MTHFD1L: variants seen among roughly 807,000 people sequenced by gnomAD.
MTHFD1L encodes the protein methylenetetrahydrofolate dehydrogenase (NADP+ dependent) 1 like, also known as monofunctional C1-tetrahydrofolate synthase, mitochondrial.
Under a neutral mutation model 119.5 loss-of-function variants are expected in MTHFD1L, and 81 were observed. The ratio of observed to expected loss-of-function variants is 0.68; its 90% CI spans 0.57 to 0.82. The LOEUF is 0.82. MTHFD1L is among the 40% of genes least tolerant of loss of function. The pLI is 0.00. For missense variants in MTHFD1L, 1,125 were observed against 1,253.4 expected (o/e 0.90, Z 1.55); for synonymous variants, 430 against 475.2 (o/e 0.90, Z 1.24).
intron 26 of MTHFD1L, among the ~76,000 whole-genome samples, chr6:151,066,975 GT>G (rs1791366908): frequency 6.7e-6 from 1 of 148,732 alleles, no homozygotes; most frequent in African/African-American, 2.4e-5. Flanking sequence ...ATTAGTAAGT[GT>G]TAAAAATGTA....
chr6:150,901,594 C>T (rs1354426123), intron 7 of MTHFD1L, among the ~76,000 whole-genome samples: 1 of 152,190 alleles, frequency 6.6e-6, no homozygotes, highest in Admixed American at 6.5e-5. Context: ...CAGTGTGTCC[C>T]AGTTCATTGA....
intron 26 of MTHFD1L, 118 bp downstream of exon 26, chr6:151,037,235 A>G (rs567843286): frequency 6.7e-6 from 7 of 1,044,462 alleles, no homozygotes; most frequent in Non-Finnish European, 1.0e-5. Context: ...GGAGTAATTA[A>G]TAGTACAGTA....
At chr6:151,028,590 G>A (rs1187041208) in intron 24 of MTHFD1L, among the ~76,000 whole-genome samples, 1 of 152,152 alleles carries the variant, frequency 6.6e-6, no homozygotes, top group Admixed American at 6.5e-5. Flanking sequence ...ACTTGTAGGG[G>A]CCTGTAGAGC....
intron 24 of MTHFD1L, among the ~76,000 whole-genome samples, chr6:151,031,153 C>G (rs1785291678): frequency 6.6e-6 from 1 of 152,240 alleles, no homozygotes; most frequent in South Asian, 2.1e-4. Flanking sequence ...CAGGCAAGGA[C>G]AGGTCACTGC....
rs1794766132 is a variant in MTHFD1L, at chr6:150,950,894, C to T, written c.1726+1761C>T. Among the ~76,000 whole-genome samples, 3 of 152,206 alleles carry T rather than the reference C, an allele frequency of 2.0e-5. No individual in the cohort carries two copies. The South Asian group carries it at 6.2e-4, about 32-fold the overall frequency. On this transcript the variant is annotated intron_variant, in intron 16 of 27. Coordinates refer to ENST00000367321, the MANE Select transcript of MTHFD1L (RefSeq NM_015440.5). ...ATGTTGGCCAGGCTGGTCTGGAACT[C>T]CTGACCTCAAACGATCCGCCCACCT...
At chr6:150,955,276 T>C in intron 16 of MTHFD1L, among the ~76,000 whole-genome samples, 1 of 152,210 alleles carries the variant, frequency 6.6e-6, no homozygotes, top group Non-Finnish European at 1.5e-5. Flanking sequence ...CTATGCACCA[T>C]GTTTTCAACA....
chr6:151,058,494 A>G (rs1436728176), intron 26 of MTHFD1L, among the ~76,000 whole-genome samples: 4 of 152,226 alleles, frequency 2.6e-5, no homozygotes, highest in Non-Finnish European at 4.4e-5. Flanking sequence ...TTAATTCCAT[A>G]TACATTTGCA....
rs867331345 is a variant in MTHFD1L at position 150,923,548 on chromosome 6, T to C, written c.1082+1246T>C. Among the ~76,000 whole-genome samples, 956 of 119,770 alleles carry C rather than the reference T, an allele frequency of 8.0e-3. 14 individuals carry two copies. The highest frequency in any genetic ancestry group is 0.029 in the African/African-American group (882 of 30,552). The allele number at this position is 119,770 out of a possible 152,430, so 78.6% of individuals were successfully genotyped here. ...TTATTTATTTATTTATTTTTTCTTTTTTTTTTTTTTTTTTTTGAGACAGAG... is the reference window on the plus strand; with the variant it reads ...TTATTTATTTATTTATTTTTTCTTTCTTTTTTTTTTTTTTTTGAGACAGAG... On this transcript the variant is annotated intron_variant, in intron 10 of 27. Transcript: ENST00000367321.
At chr6:151,006,810 A>C (rs17080689) in intron 20 of MTHFD1L, among the ~76,000 whole-genome samples, 18,014 of 152,104 alleles carry the variant, frequency 0.12, 1,269 homozygotes, top group African/African-American at 0.18. Flanking sequence ...AGGGTAGTTT[A>C]ACACATAAAT....
chr6:150,885,392 C>A (rs1013641320), intron 5 of MTHFD1L, among the ~76,000 whole-genome samples: 1 of 152,122 alleles, frequency 6.6e-6, no homozygotes, highest in Non-Finnish European at 1.5e-5. Context: ...GTTGAGGTTT[C>A]GCCATGTTGG....
chr6:151,026,808 G>GTCCTTTCTA (rs1313399319), intron 24 of MTHFD1L, among the ~76,000 whole-genome samples: 2 of 111,042 alleles, frequency 1.8e-5, no homozygotes, highest in Non-Finnish European at 3.7e-5. Flanking sequence ...GATTTTTCCT[G>GTCCTTTCTA]TCCTTTCTAT....
At chr6:150,983,910 G>A (rs750104066) in intron 20 of MTHFD1L, among the ~76,000 whole-genome samples, 1 of 152,056 alleles carries the variant, frequency 6.6e-6, no homozygotes, top group East Asian at 1.9e-4. Context: ...AGCTGAGACT[G>A]CAGGCACAAT....
chr6:151,093,139 G>A (rs970678138), intron 27 of MTHFD1L, among the ~76,000 whole-genome samples: 5 of 152,076 alleles, frequency 3.3e-5, no homozygotes, highest in African/African-American at 4.8e-5. Context: ...CAGGCCATAC[G>A]CCACCTCGAG....
intron 26 of MTHFD1L, among the ~76,000 whole-genome samples, chr6:151,066,522 T>C (rs892578797): frequency 2.0e-5 from 3 of 151,056 alleles, no homozygotes; most frequent in African/African-American, 4.9e-5. Context: ...TCCCAGCACT[T>C]TGGGAGGCCG....
rs71014527 is a variant in MTHFD1L, at chr6:150,865,721, C to CCCG, written c.-78_-76dup. The CCCG allele has an allele frequency of 0.094, 90,580 of 964,764 alleles. 3,374 individuals are homozygous for CCCG. The highest frequency in any genetic ancestry group is 0.21 in the East Asian group (2,511 of 12,064). 59.8% of individuals were successfully genotyped at this position (964,764 alleles called of 1,614,324 possible). ...GACGAGGAGGAAGCGCCAGGTCCTTCCCGCCGCCGCCGCCGCCGCCGCCGC... is the reference window on the plus strand; with the variant it reads ...GACGAGGAGGAAGCGCCAGGTCCTTCCCGCCGCCGCCGCCGCCGCCGCCGCCGC... On this transcript the variant is annotated 5_prime_UTR_variant, in exon 1 of 28. Coordinates refer to ENST00000367321, the MANE Select transcript of MTHFD1L (RefSeq NM_015440.5).
At chr6:151,073,811 G>A (rs1361999313) in intron 26 of MTHFD1L, among the ~76,000 whole-genome samples, 1 of 152,104 alleles carries the variant, frequency 6.6e-6, no homozygotes, top group African/African-American at 2.4e-5. Flanking sequence ...AGAAGCAAGA[G>A]AGCAACATTG....
chr6:150,923,541 T>TTTATTTATTTA (rs1562387223), intron 10 of MTHFD1L, among the ~76,000 whole-genome samples: 4 of 32,324 alleles, frequency 1.2e-4, no homozygotes, highest in African/African-American at 1.3e-4. Context: ...TTATTTATTT[T>TTTATTTATTTA]TTCTTTTTTT....
At chr6:150,891,473 A>G (rs1783263128) in intron 7 of MTHFD1L, among the ~76,000 whole-genome samples, 1 of 148,122 alleles carries the variant, frequency 6.8e-6, no homozygotes, top group Non-Finnish European at 1.5e-5. Context: ...CTTAATATAT[A>G]TATTTAGGTC....
At chr6:150,946,842 G>A (rs1030425442) in intron 15 of MTHFD1L, among the ~76,000 whole-genome samples, 3 of 151,792 alleles carry the variant, frequency 2.0e-5, no homozygotes, top group African/African-American at 4.8e-5. Flanking sequence ...TTGGGAGGCC[G>A]AGGCAGGCAG....
Sources: gnomAD v4.1 joint callset for allele counts (sites outside exome capture counted in the v4.1 genomes callset) on GRCh38, gnomAD v4.1.1 for gene constraint, MANE v1.5 for transcripts, NCBI Gene and HGNC (gene_info 2026-07-23, HGNC 2026-07-21) for gene names.